NXNL2: variants seen among roughly 807,000 people sequenced by gnomAD.
NXNL2 encodes nucleoredoxin-like protein 2.
In NXNL2, 7 loss-of-function variants were observed where a neutral mutation model predicts 11.1. The observed-to-expected ratio is 0.63, with a 90% CI of 0.36 to 1.18. The LOEUF (loss-of-function observed/expected upper bound fraction) is 1.18, where lower values mean the gene tolerates loss of function less well. NXNL2 is among the 50% of genes most tolerant of loss of function. The pLI, the probability that NXNL2 is intolerant of heterozygous loss-of-function variation, is 0.02. For synonymous variants in NXNL2, 109 were observed against 101.8 expected, an observed-to-expected ratio of 1.07 and a Z score of -0.42; for missense variants, 233 against 217.7, an observed-to-expected ratio of 1.07 and a Z score of -0.44.
chr9:88,563,171 T>G (rs1830110750), intron 1 of NXNL2, among the ~76,000 whole-genome samples: 2 of 152,208 alleles, frequency 1.3e-5, no homozygotes, highest in Admixed American at 1.3e-4. Context: ...TAGACCGACT[T>G]GATTCCTGTT....
intron 1 of NXNL2, 57 bp downstream of exon 1, chr9:88,535,793 C>T (rs1829602898): frequency 7.1e-7 from 1 of 1,412,168 alleles, no homozygotes; most frequent in Non-Finnish European, 9.5e-7. Flanking sequence ...CCATGTTCCC[C>T]CAGGCCTCCC....
chr9:88,578,955 T>C (rs140350880), downstream of NXNL2, among the ~76,000 whole-genome samples: 208 of 152,310 alleles, frequency 1.4e-3, 1 homozygote, highest in Middle Eastern at 6.8e-3. Context: ...TCTTTGTCTA[T>C]GTGACAGCCA....
chr9:88,537,220 A>G lies in NXNL2; in HGVS notation c.302+1484A>G, dbSNP rs78523456. ...TCTCTAGTCTATTGCCCCATTTTAC[A>G]GATGTGCCATTGAGGCATAGAGTTC... On this transcript the variant is annotated intron_variant, in intron 1 of 1. Coordinates refer to ENST00000375854, the MANE Select transcript of NXNL2 (RefSeq NM_001161625.2). Among the ~76,000 whole-genome samples the G allele has an allele frequency of 5.9e-5, 9 of 152,266 alleles. No homozygotes were observed. The East Asian group carries it at 1.7e-3, about 29-fold the overall frequency.
chr9:88,547,700 C>T (rs148557875), downstream of NXNL2, among the ~76,000 whole-genome samples: 531 of 152,218 alleles, frequency 3.5e-3, 1 homozygote, highest in African/African-American at 0.012. Flanking sequence ...ACTGAATTAC[C>T]CTTCTCTCCT....
intron 1 of NXNL2, among the ~76,000 whole-genome samples, chr9:88,543,133 G>T (rs1304356060): frequency 6.6e-6 from 1 of 152,170 alleles, no homozygotes; most frequent in African/African-American, 2.4e-5. Context: ...TCAGGTTATA[G>T]ATACTGTAAA....
chr9:88,546,435 T>C (rs1209672928), downstream of NXNL2, among the ~76,000 whole-genome samples: 4 of 134,256 alleles, frequency 3.0e-5, no homozygotes, highest in South Asian at 2.6e-4. Context: ...TTTTTTTTTT[T>C]CTGAGACAGA....
rs1424864082 is a variant in NXNL2, at chr9:88,535,225, C to CT, written c.-209dup. 2 of 566,340 alleles carry CT rather than the reference C, an allele frequency of 3.5e-6. No homozygotes were observed. The highest frequency in any genetic ancestry group is 6.1e-6 in the Non-Finnish European group (2 of 325,730). The allele number at this position is 566,340 out of a possible 1,614,324, so 35.1% of individuals were successfully genotyped here. The stretch of plus-strand genomic sequence containing the variant: ...CCCAGGTATCTGGGGTCTCTGGTGT[C>CT]TGAGTGTCTCATTGTCGGCGCGAAC... On this transcript the variant is annotated 5_prime_UTR_variant, in exon 1 of 2. Coordinates refer to ENST00000375854, the MANE Select transcript of NXNL2 (RefSeq NM_001161625.2).
chr9:88,536,342 T>C (rs1008255494), intron 1 of NXNL2, among the ~76,000 whole-genome samples: 1 of 152,178 alleles, frequency 6.6e-6, no homozygotes. Context: ...CCGACACTGA[T>C]GGAATTTCAT....
Position 88,564,289 on chromosome 9 carries a change from C to CTAT in NXNL2, c.303-6797_303-6795dup, listed in dbSNP as rs750652561. Among the ~76,000 whole-genome samples, 656 of 100,144 alleles carry CTAT rather than the reference C, an allele frequency of 6.6e-3. 3 individuals are homozygous for CTAT. The highest frequency in any genetic ancestry group is 0.022 in the East Asian group (78 of 3,550). 65.7% of individuals were successfully genotyped at this position (100,144 alleles called of 152,430 possible). On this transcript the variant is annotated intron_variant, in intron 1 of 2. Transcript: ENST00000375855. ...ATCTGTCTATCTATCTATCTATTATCTATCTATCTATCTATCTATCTATCT... is the reference window on the plus strand; with the variant it reads ...ATCTGTCTATCTATCTATCTATTATCTATTATCTATCTATCTATCTATCTATCT...
chr9:88,535,195 T>C lies in NXNL2; in HGVS notation c.-240T>C. The stretch of plus-strand genomic sequence containing the variant: ...CCGCTCCCAGAGGCGGGTGCCGCGC[T>C]GTCGCCCAGGTATCTGGGGTCTCTG... On this transcript the variant is annotated 5_prime_UTR_variant, in exon 1 of 2. Coordinates refer to ENST00000375854, the MANE Select transcript of NXNL2 (RefSeq NM_001161625.2). The C allele has an allele frequency of 1.9e-6, 1 of 532,290 alleles. No individual in the cohort carries two copies. Among genetic ancestry groups the C allele is most frequent in the Admixed American group, 3.8e-5 (1 of 26,060 alleles). The allele number at this position is 532,290 out of a possible 1,614,324, so 33.0% of individuals were successfully genotyped here. A position where few individuals can be genotyped will look rare whatever the true frequency, so the allele number is the denominator to read the frequency against.
intron 1 of NXNL2, among the ~76,000 whole-genome samples, chr9:88,554,504 C>A (rs1016006041): frequency 6.6e-6 from 1 of 152,222 alleles, no homozygotes; most frequent in Admixed American, 6.5e-5. Flanking sequence ...CGCACCCAGA[C>A]AGGCCCTTTA....
chr9:88,553,697 C>T (rs1418676574), intron 1 of NXNL2, among the ~76,000 whole-genome samples: 1 of 152,138 alleles, frequency 6.6e-6, no homozygotes, highest in Non-Finnish European at 1.5e-5. Flanking sequence ...CATAAGAAAT[C>T]ATATCTCCTT....
downstream of NXNL2, among the ~76,000 whole-genome samples, chr9:88,546,322 C>G (rs1014394278): frequency 6.6e-6 from 1 of 151,754 alleles, no homozygotes; most frequent in South Asian, 2.1e-4. Context: ...TCCACCTCGG[C>G]TGGGCTGGCC....
At chr9:88,579,996 C>T (rs945261350), downstream of NXNL2, among the ~76,000 whole-genome samples, 9 of 151,856 alleles carry the variant, frequency 5.9e-5, no homozygotes, top group Non-Finnish European at 8.8e-5. Context: ...AAAAATTAGC[C>T]GGGTGTGGTG....
At chr9:88,542,833 A>C (rs1277094814) in intron 1 of NXNL2, among the ~76,000 whole-genome samples, 1 of 152,164 alleles carries the variant, frequency 6.6e-6, no homozygotes, top group Non-Finnish European at 1.5e-5. Flanking sequence ...AGAAAGTGGC[A>C]GGAAGAACTT....
In NXNL2 at chr9:88,535,592, C is replaced by G. The variant is rs536178157; in HGVS notation, c.158C>G (p.Thr53Arg). Residue 53 changes from threonine to arginine, a missense_variant, in exon 1 of 2, where the codon ACG becomes AGG. By Grantham distance (71) the Thr-to-Arg change is moderately conservative. Coordinates refer to ENST00000375854, the MANE Select transcript of NXNL2 (RefSeq NM_001161625.2). The part of the protein sequence containing the change: ...DFTPLLCDFY[T>R]ALVAEARRPA... ...ACGCCGCTGCTCTGCGACTTCTATA[C>G]GGCGCTGGTGGCCGAGGCGCGGCGG... The G allele has an allele frequency of 1.2e-6, 2 of 1,609,608 alleles. No individual in the cohort carries two copies. Among genetic ancestry groups the G allele is most frequent in the Admixed American group, 1.7e-5 (1 of 59,844 alleles).
At chr9:88,582,089 A>C (rs1309939936) in intron 1 of NXNL2, among the ~76,000 whole-genome samples, 1 of 152,212 alleles carries the variant, frequency 6.6e-6, no homozygotes, top group Non-Finnish European at 1.5e-5. Flanking sequence ...TTCTGGAAGA[A>C]TATTTGAGTT....
intron 1 of NXNL2, among the ~76,000 whole-genome samples, chr9:88,550,019 A>G (rs1328312651): frequency 6.6e-6 from 1 of 151,788 alleles, no homozygotes; most frequent in Non-Finnish European, 1.5e-5. Context: ...TAGAGATGGG[A>G]TTTCTCCATT....
downstream of NXNL2, chr9:88,545,026 A>G (rs1300714926): frequency 1.5e-5 from 5 of 330,592 alleles, no homozygotes; most frequent in African/African-American, 2.2e-5. Context: ...CAGTAGGAAG[A>G]AAAGGAGTCT....
Sources: gnomAD v4.1 joint callset for allele counts (sites outside exome capture counted in the v4.1 genomes callset) on GRCh38, gnomAD v4.1.1 for gene constraint, MANE v1.5 for transcripts, NCBI Gene and HGNC (gene_info 2026-07-23, HGNC 2026-07-21) for gene names.